Variants in API5 observed in about 807,000 individuals in gnomAD.
API5 encodes the protein FIF.
API5 carries 6 observed loss-of-function variants against 71.9 expected under a neutral mutation model. The observed-to-expected ratio is 0.08, with a 90% CI of 0.05 to 0.16. API5 has a LOEUF of 0.16. Ranked by LOEUF, API5 falls within the 10% of genes least tolerant of loss-of-function variation. API5 has a pLI of 1.00. For missense variants in API5, 332 were observed against 612.8 expected (o/e 0.54, Z 4.84); for synonymous variants, 189 against 221.3 (o/e 0.85, Z 1.30).
intron 1 of API5, among the ~76,000 whole-genome samples, chr11:43,316,682 G>A (rs531983556): frequency 1.3e-5 from 2 of 151,858 alleles, no homozygotes; most frequent in South Asian, 2.1e-4. Flanking sequence ...GCAGTGGCGC[G>A]ACCACAGCTT....
At chr11:43,321,946 T>A in intron 4 of API5, 39 bp from the exon 5 acceptor site, 2 of 1,583,108 alleles carry the variant, frequency 1.3e-6, no homozygotes, top group Non-Finnish European at 1.7e-6. Flanking sequence ...CATTACACTA[T>A]AGAATTGACT....
At chr11:43,333,379 C>T (rs942816722) in intron 11 of API5, among the ~76,000 whole-genome samples, 8 of 152,068 alleles carry the variant, frequency 5.3e-5, no homozygotes, top group African/African-American at 1.9e-4. Context: ...ATCTGGGGAG[C>T]AGAATTACAC....
At chr11:43,338,119 C>A (rs574905359) in intron 13 of API5, among the ~76,000 whole-genome samples, 3 of 152,238 alleles carry the variant, frequency 2.0e-5, no homozygotes, top group African/African-American at 7.2e-5. Context: ...AAATCTGATT[C>A]TTCTTATTAG....
At chr11:43,323,723 A>G (rs550796810) in intron 6 of API5, 87 bp downstream of exon 6, 4 of 1,242,212 alleles carry the variant, frequency 3.2e-6, no homozygotes, top group Admixed American at 4.1e-5. Context: ...AAACCTTTCC[A>G]GTAGTGTCCC....
intron 11 of API5, 161 bp from the exon 12 acceptor site, chr11:43,335,117 A>C (rs1039424529): frequency 1.3e-5 from 8 of 627,824 alleles, no homozygotes; most frequent in Middle Eastern, 4.2e-4. Flanking sequence ...GAGGTAATAC[A>C]TGTGATTTGT....
intron 1 of API5, among the ~76,000 whole-genome samples, chr11:43,317,799 T>G (rs1047082505): frequency 2.6e-5 from 4 of 152,140 alleles, no homozygotes; most frequent in African/African-American, 9.7e-5. Context: ...TGCCTCAGCC[T>G]CCTGAGGAGC....
intron 13 of API5, among the ~76,000 whole-genome samples, chr11:43,336,994 C>A: frequency 8.6e-6 from 1 of 116,386 alleles, no homozygotes. Context: ...GGCGACAGAG[C>A]AAGACTCCGT....
chr11:43,330,194 AT>A, intron 10 of API5, 136 bp downstream of exon 10: 1 of 712,934 alleles, frequency 1.4e-6, no homozygotes, highest in Non-Finnish European at 2.3e-6. Context: ...AATATTTTAG[AT>A]TTTTATTATG....
intron 10 of API5, 24 bp downstream of exon 10, chr11:43,330,082 A>C: frequency 6.3e-7 from 1 of 1,574,826 alleles, no homozygotes; most frequent in Non-Finnish European, 8.7e-7. Flanking sequence ...CTCACATTTC[A>C]TAAACTGCTA....
chr11:43,326,329 C>T (rs181096153), intron 6 of API5, among the ~76,000 whole-genome samples, 178 bp from the exon 7 acceptor site: 16 of 151,984 alleles, frequency 1.1e-4, no homozygotes, highest in African/African-American at 3.9e-4. Flanking sequence ...TTATTGAAGC[C>T]CCTTCGTAGA....
intron 6 of API5, among the ~76,000 whole-genome samples, chr11:43,325,416 C>T (rs1042020913): frequency 8.5e-5 from 13 of 152,280 alleles, no homozygotes; most frequent in African/African-American, 2.4e-4. Context: ...GACAAGACAA[C>T]GTCAAAGCCC....
intron 13 of API5, chr11:43,339,508 T>C (rs1441941505): frequency 2.0e-5 from 3 of 152,214 alleles, no homozygotes; most frequent in Non-Finnish European, 2.9e-5. Context: ...GGACGACACC[T>C]TTGAGGACCA....
At chr11:43,325,496 T>C (rs1376447925) in intron 6 of API5, among the ~76,000 whole-genome samples, 2 of 152,192 alleles carry the variant, frequency 1.3e-5, no homozygotes, top group Non-Finnish European at 2.9e-5. Flanking sequence ...GACCGATGAT[T>C]AATAGCAGAA....
intron 6 of API5, among the ~76,000 whole-genome samples, chr11:43,326,193 C>T (rs907213042): frequency 6.6e-6 from 1 of 152,096 alleles, no homozygotes; most frequent in Admixed American, 6.6e-5. Context: ...TTCCCAGGAC[C>T]CTCAGTTGTT....
intron 2 of API5, among the ~76,000 whole-genome samples, chr11:43,319,145 T>C (rs918606038): frequency 1.3e-5 from 2 of 152,230 alleles, no homozygotes; most frequent in African/African-American, 4.8e-5. Flanking sequence ...ACTTGGATAT[T>C]TAAATTATTA....
chr11:43,322,549 CT>C (rs1253246387), intron 5 of API5, among the ~76,000 whole-genome samples: 1 of 152,170 alleles, frequency 6.6e-6, no homozygotes, highest in Non-Finnish European at 1.5e-5. Context: ...ACTATCTGCT[CT>C]TCAAGGGTGA....
intron 11 of API5, 62 bp from the exon 12 acceptor site, chr11:43,335,216 C>T (rs1855391374): frequency 1.7e-6 from 2 of 1,197,212 alleles, no homozygotes; most frequent in Non-Finnish European, 2.5e-6. Flanking sequence ...TTCCTACCCT[C>T]ACCACCACTC....
At chr11:43,331,380 T>C (rs2134370148) in intron 11 of API5, 1 of 153,114 alleles carries the variant, frequency 6.5e-6, no homozygotes, top group Admixed American at 6.5e-5. Context: ...AAAAAACTGC[T>C]AATAGCCTGC....
intron 11 of API5, chr11:43,331,456 A>G: frequency 5.2e-6 from 1 of 192,510 alleles, no homozygotes; most frequent in South Asian, 1.2e-4. Context: ...TGTATTATGT[A>G]CTGTATTACA....
Sources: gnomAD v4.1 joint callset for allele counts (sites outside exome capture counted in the v4.1 genomes callset) on GRCh38, gnomAD v4.1.1 for gene constraint, MANE v1.5 for transcripts, NCBI Gene and HGNC (gene_info 2026-07-23, HGNC 2026-07-21) for gene names.